Variants in SCFD2 observed in about 807,000 individuals in gnomAD.
The protein encoded by SCFD2 is sec1 family domain containing 2.
Under a neutral mutation model 58.9 loss-of-function variants are expected in SCFD2, and 54 were observed. That is an observed-to-expected ratio of 0.92 (90% CI 0.74 to 1.15). The LOEUF (loss-of-function observed/expected upper bound fraction) is 1.15, where lower values mean the gene tolerates loss of function less well. Among genes scored for constraint, SCFD2 ranks in the 50% most tolerant of loss-of-function variants. The pLI, the probability that SCFD2 is intolerant of heterozygous loss-of-function variation, is 0.00. For missense variants in SCFD2, 805 were observed against 836.6 expected, an observed-to-expected ratio of 0.96 and a Z score of 0.47; for synonymous variants, 321 against 335.9, an observed-to-expected ratio of 0.96 and a Z score of 0.49.
At chr4:53,289,753 G>T (rs1731780564) in intron 3 of SCFD2, among the ~76,000 whole-genome samples, 1 of 152,018 alleles carries the variant, frequency 6.6e-6, no homozygotes, top group South Asian at 2.1e-4. Flanking sequence ...TAGCTTTAAG[G>T]ACACACTTAG....
chr4:52,995,583 G>T (rs1379840750), intron 5 of SCFD2, among the ~76,000 whole-genome samples: 1 of 152,216 alleles, frequency 6.6e-6, no homozygotes, highest in Non-Finnish European at 1.5e-5. Context: ...GAGAAATAAA[G>T]ATTATGGATA....
At chr4:53,116,769 C>G (rs1446277719) in intron 5 of SCFD2, among the ~76,000 whole-genome samples, 3 of 152,140 alleles carry the variant, frequency 2.0e-5, no homozygotes, top group African/African-American at 7.2e-5. Context: ...GAAAAGAACC[C>G]TGAGTCACAT....
chr4:53,346,207 A>C (rs1442066747), intron 2 of SCFD2, among the ~76,000 whole-genome samples: 1 of 152,146 alleles, frequency 6.6e-6, no homozygotes, highest in Non-Finnish European at 1.5e-5. Flanking sequence ...GAAGTACTAA[A>C]ATGAAGTAGA....
At chr4:53,052,064 T>A (rs1301230944) in intron 5 of SCFD2, among the ~76,000 whole-genome samples, 2 of 152,104 alleles carry the variant, frequency 1.3e-5, no homozygotes, top group East Asian at 3.9e-4. Context: ...AATGCAAAAA[T>A]ATGACATTAT....
intron 6 of SCFD2, among the ~76,000 whole-genome samples, chr4:52,919,046 A>G (rs1361034103): frequency 1.3e-5 from 2 of 152,116 alleles, no homozygotes; most frequent in Admixed American, 6.5e-5. Flanking sequence ...GGGAAACTCC[A>G]TTTTCCAAAG....
intron 7 of SCFD2, among the ~76,000 whole-genome samples, chr4:52,895,519 G>A (rs1036794561): frequency 5.3e-5 from 8 of 152,134 alleles, no homozygotes; most frequent in African/African-American, 1.9e-4. Flanking sequence ...TTTTATGGCT[G>A]CATAGTATTC....
intron 5 of SCFD2, among the ~76,000 whole-genome samples, chr4:53,065,108 C>T (rs768768058): frequency 1.3e-5 from 2 of 152,066 alleles, no homozygotes; most frequent in Non-Finnish European, 2.9e-5. Context: ...GAACTCCAGT[C>T]ATGACAGCAG....
chr4:53,072,193 G>A (rs543031414), intron 5 of SCFD2, among the ~76,000 whole-genome samples: 5 of 152,198 alleles, frequency 3.3e-5, no homozygotes, highest in African/African-American at 1.2e-4. Context: ...CCAGATGAGA[G>A]ACAAAGATGG....
At chr4:53,133,455 T>C (rs1000134273) in intron 5 of SCFD2, among the ~76,000 whole-genome samples, 2 of 151,822 alleles carry the variant, frequency 1.3e-5, no homozygotes, top group African/African-American at 4.8e-5. Context: ...TTGAAAGACA[T>C]AACTTCTCAA....
intron 4 of SCFD2, among the ~76,000 whole-genome samples, chr4:53,256,228 G>A (rs1730622527): frequency 6.6e-6 from 1 of 150,690 alleles, no homozygotes; most frequent in South Asian, 2.1e-4. Flanking sequence ...GCCAGGCAGA[G>A]GGTCTCCTCA....
At chr4:52,984,795 C>A (rs1247201839) in intron 5 of SCFD2, among the ~76,000 whole-genome samples, 1 of 152,160 alleles carries the variant, frequency 6.6e-6, no homozygotes, top group Non-Finnish European at 1.5e-5. Flanking sequence ...AATTTTGAGT[C>A]CTCTTTTCCT....
At chr4:52,943,463 G>A (rs905333730) in intron 5 of SCFD2, among the ~76,000 whole-genome samples, 19 of 152,072 alleles carry the variant, frequency 1.2e-4, no homozygotes, top group South Asian at 2.1e-4. Context: ...TTCACAGGGC[G>A]GAACCAGGTG....
chr4:53,363,098 T>C (rs1027497868), intron 1 of SCFD2, among the ~76,000 whole-genome samples: 6 of 152,136 alleles, frequency 3.9e-5, no homozygotes, highest in African/African-American at 1.4e-4. Context: ...CAACTTTGTC[T>C]TTCTATGTGT....
At chr4:53,289,993 C>A (rs1341808188) in intron 3 of SCFD2, among the ~76,000 whole-genome samples, 1 of 152,058 alleles carries the variant, frequency 6.6e-6, no homozygotes, top group Non-Finnish European at 1.5e-5. Context: ...CAAATATTAA[C>A]CGTCATGAAG....
chr4:52,984,075 G>A (rs974943459), intron 5 of SCFD2, among the ~76,000 whole-genome samples: 2 of 152,154 alleles, frequency 1.3e-5, no homozygotes, highest in African/African-American at 4.8e-5. Context: ...TGTACATGAA[G>A]GAGAATGTAA....
At chr4:53,325,421 TAAAAA>T (rs1486817143) in intron 2 of SCFD2, among the ~76,000 whole-genome samples, 2 of 151,248 alleles carry the variant, frequency 1.3e-5, no homozygotes, top group Non-Finnish European at 2.9e-5. Flanking sequence ...AGCCAGGAAA[TAAAAA>T]AGAAGAAAGA....
chr4:53,271,626 C>G (rs1002975775), intron 4 of SCFD2, among the ~76,000 whole-genome samples: 2 of 151,938 alleles, frequency 1.3e-5, no homozygotes, highest in African/African-American at 4.8e-5. Context: ...CCACACCCAG[C>G]TAATTTTTGT....
intron 5 of SCFD2, among the ~76,000 whole-genome samples, chr4:53,100,615 A>G (rs1449274565): frequency 6.6e-6 from 1 of 152,172 alleles, no homozygotes; most frequent in African/African-American, 2.4e-5. Flanking sequence ...TAACTATTCC[A>G]ACAAAGCGTA....
At chr4:53,117,869 C>A (rs929725694) in intron 5 of SCFD2, among the ~76,000 whole-genome samples, 1 of 152,176 alleles carries the variant, frequency 6.6e-6, no homozygotes, top group Non-Finnish European at 1.5e-5. Context: ...CAGCTAGATT[C>A]ATTTTTCCAT....
Sources: gnomAD v4.1 joint callset for allele counts (sites outside exome capture counted in the v4.1 genomes callset) on GRCh38, gnomAD v4.1.1 for gene constraint, MANE v1.5 for transcripts, NCBI Gene and HGNC (gene_info 2026-07-23, HGNC 2026-07-21) for gene names.